SOX5: variants seen among roughly 807,000 people sequenced by gnomAD.
SOX5 encodes SRY-box transcription factor 5, also known as transcription factor SOX-5.
A neutral mutation model predicts 92.0 loss-of-function variants in SOX5; 9 were observed. The ratio of observed to expected loss-of-function variants is 0.10; its 90% CI spans 0.06 to 0.17. SOX5 has a LOEUF of 0.17. Ranked by LOEUF, SOX5 falls within the 10% of genes least tolerant of loss-of-function variation. The probability of loss-of-function intolerance (pLI) is 1.00; values close to 1 mark genes in which losing one functional copy is unlikely to be tolerated. For synonymous variants in SOX5, 344 were observed against 336.3 expected, an observed-to-expected ratio of 1.02 and a Z score of -0.25; for missense variants, 642 against 944.5, an observed-to-expected ratio of 0.68 and a Z score of 4.20.
At chr12:23,668,716 G>A (rs1347455409) in intron 6 of SOX5, among the ~76,000 whole-genome samples, 1 of 152,010 alleles carries the variant, frequency 6.6e-6, no homozygotes, top group Non-Finnish European at 1.5e-5. Context: ...ATTTTTAAAA[G>A]CTAGGGGGCA....
chr12:24,331,743 G>A (rs570731023), intron 2 of SOX5, among the ~76,000 whole-genome samples: 1 of 151,168 alleles, frequency 6.6e-6, no homozygotes, highest in South Asian at 2.1e-4. Context: ...AGCTACTTGG[G>A]AGGCTGAGGC....
chr12:24,279,408 A>C (rs557239342), intron 2 of SOX5, among the ~76,000 whole-genome samples: 1 of 152,142 alleles, frequency 6.6e-6, no homozygotes, highest in African/African-American at 2.4e-5. Flanking sequence ...GAGCAGTGAA[A>C]TGATAGTTCA....
At chr12:24,344,132 A>C (rs1952912995) in intron 2 of SOX5, among the ~76,000 whole-genome samples, 1 of 151,840 alleles carries the variant, frequency 6.6e-6, no homozygotes, top group Admixed American at 6.6e-5. Flanking sequence ...AAAATACAAA[A>C]ATTAGTTGGG....
intron 9 of SOX5, among the ~76,000 whole-genome samples, chr12:23,580,182 T>C (rs535909890): frequency 2.0e-5 from 3 of 152,146 alleles, no homozygotes; most frequent in South Asian, 4.1e-4. Context: ...ATTACAAATC[T>C]TGTGGTGGAA....
At chr12:23,536,854 T>A (rs1287081312) in intron 13 of SOX5, among the ~76,000 whole-genome samples, 185 bp from the exon 14 acceptor site, 2 of 152,022 alleles carry the variant, frequency 1.3e-5, no homozygotes, top group Non-Finnish European at 2.9e-5. Context: ...CCTAAAGATA[T>A]AAACACTGGG....
chr12:24,229,755 T>C (rs1020893697), intron 3 of SOX5, among the ~76,000 whole-genome samples: 2 of 152,170 alleles, frequency 1.3e-5, no homozygotes, highest in Non-Finnish European at 2.9e-5. Flanking sequence ...AAAGTTGCTA[T>C]GGATGGTTGT....
chr12:24,193,266 C>T (rs939041527), intron 4 of SOX5, among the ~76,000 whole-genome samples: 2 of 152,166 alleles, frequency 1.3e-5, no homozygotes, highest in Non-Finnish European at 2.9e-5. Context: ...CAGTTAAAAT[C>T]CTCTTGCTAG....
chr12:24,440,552 T>C (rs191709733), intron 1 of SOX5, among the ~76,000 whole-genome samples: 1 of 151,846 alleles, frequency 6.6e-6, no homozygotes, highest in East Asian at 1.9e-4. Flanking sequence ...ACCTGTACCA[T>C]GCTCCCTGAG....
upstream of SOX5, among the ~76,000 whole-genome samples, chr12:23,951,810 T>G (rs1945685803): frequency 6.6e-6 from 1 of 152,168 alleles, no homozygotes; most frequent in African/African-American, 2.4e-5. Flanking sequence ...ATTTTCACTT[T>G]CAGCAGTTGG....
intron 1 of SOX5, among the ~76,000 whole-genome samples, chr12:24,452,808 CTTTCT>C (rs1942505093): frequency 6.6e-6 from 1 of 152,138 alleles, no homozygotes; most frequent in Admixed American, 6.5e-5. Context: ...TTCTACCTTT[CTTTCT>C]TTTGTTTTCA....
rs140189265 is a variant in SOX5, at chr12:24,259,716, T to A, written c.-77+17500A>T. ...CAATGCATCAGGCTGGCTTGATAAG[T>A]AACGAATATCCATTACTAAAACATT... is the stretch of plus-strand genomic sequence containing the variant. On this transcript the variant is annotated intron_variant, in intron 3 of 4. Coordinates refer to the SOX5 transcript ENST00000446891. Among the ~76,000 whole-genome samples the A allele has an allele frequency of 2.4e-3, 360 of 152,338 alleles. 1 individual carries two copies. Among genetic ancestry groups the A allele is most frequent in the African/African-American group, 8.3e-3 (345 of 41,588 alleles).
chr12:23,843,444 T>C (rs1223296387), intron 3 of SOX5, among the ~76,000 whole-genome samples: 1 of 151,996 alleles, frequency 6.6e-6, no homozygotes, highest in Non-Finnish European at 1.5e-5. Flanking sequence ...CTGTACTATC[T>C]GCTTAATTTT....
At position 23,917,792 on chromosome 12, in the gene SOX5, T is replaced by C. The variant is rs991589843; in HGVS notation, c.39-21768A>G. On this transcript the variant is annotated intron_variant, in intron 1 of 14. Transcript: ENST00000451604. ...TACTCTTATTTTTGAAAAGTGGGTA[T>C]GATTGGCTAATATTTTTATTATATT... Among the ~76,000 whole-genome samples the C allele has an allele frequency of 2.0e-4, 30 of 152,210 alleles. 1 individual carries two copies. Among genetic ancestry groups the C allele is most frequent in the African/African-American group, 6.3e-4 (26 of 41,454 alleles).
chr12:24,441,366 T>TG, intron 1 of SOX5, among the ~76,000 whole-genome samples: 1 of 152,312 alleles, frequency 6.6e-6, no homozygotes, highest in East Asian at 1.9e-4. Context: ...AATTCTTTTT[T>TG]CCTCTTCCTC....
intron 1 of SOX5, among the ~76,000 whole-genome samples, chr12:24,434,486 G>C (rs1289545503): frequency 6.6e-6 from 1 of 152,100 alleles, no homozygotes; most frequent in African/African-American, 2.4e-5. Flanking sequence ...TCCCTTCTCT[G>C]TACTCCTAAA....
chr12:23,665,146 C>T (rs1378808909), intron 7 of SOX5, among the ~76,000 whole-genome samples: 2 of 152,146 alleles, frequency 1.3e-5, no homozygotes, highest in African/African-American at 4.8e-5. Flanking sequence ...AAAAAGCATA[C>T]TCCTATGTCA....
chr12:24,357,776 G>C (rs1317964598), intron 2 of SOX5, among the ~76,000 whole-genome samples: 2 of 150,646 alleles, frequency 1.3e-5, no homozygotes, highest in African/African-American at 4.9e-5. Flanking sequence ...GGGAGGCGGA[G>C]GTTGCAGTGA....
intron 2 of SOX5, among the ~76,000 whole-genome samples, chr12:24,319,519 G>T (rs1314286945): frequency 1.3e-5 from 2 of 152,082 alleles, no homozygotes; most frequent in Non-Finnish European, 2.9e-5. Context: ...TATCTTAAAA[G>T]TCATCCTTCT....
At chr12:24,380,354 G>A (rs1461462923) in intron 1 of SOX5, among the ~76,000 whole-genome samples, 1 of 152,126 alleles carries the variant, frequency 6.6e-6, no homozygotes, top group Admixed American at 6.5e-5. Flanking sequence ...TTTTGATGTC[G>A]GATTATCAAA....
Sources: allele counts gnomAD v4.1 joint callset (sites outside exome capture counted in the v4.1 genomes callset), GRCh38; gene constraint gnomAD v4.1.1; transcripts MANE v1.5; gene names NCBI Gene and HGNC (gene_info 2026-07-23, HGNC 2026-07-21).